The following TFAP2D variants were observed in gnomAD, a reference collection of about 807,000 sequenced individuals.
TFAP2D encodes the protein transcription factor AP-2 delta, also known as transcription factor AP-2-delta.
TFAP2D carries 9 observed loss-of-function variants against 43.6 expected under a neutral mutation model. The ratio of observed to expected loss-of-function variants is 0.21; its 90% CI spans 0.12 to 0.36. The LOEUF is 0.36. Among genes scored for constraint, TFAP2D ranks in the 10% least tolerant of loss-of-function variants. The probability of loss-of-function intolerance (pLI) is 1.00; values close to 1 mark genes in which losing one functional copy is unlikely to be tolerated. For synonymous variants in TFAP2D, 256 were observed against 224.9 expected, an observed-to-expected ratio of 1.14 and a Z score of -1.24; for missense variants, 513 against 561.4, an observed-to-expected ratio of 0.91 and a Z score of 0.87.
At chr6:50,752,907 A>G (rs536733931) in intron 7 of TFAP2D, among the ~76,000 whole-genome samples, 2 of 151,892 alleles carry the variant, frequency 1.3e-5, no homozygotes, top group East Asian at 3.9e-4. Flanking sequence ...CCAAACCTTT[A>G]TTTCCTCAGC....
intron 7 of TFAP2D, among the ~76,000 whole-genome samples, chr6:50,758,091 G>T (rs1227698515): frequency 6.6e-6 from 1 of 151,528 alleles, no homozygotes; most frequent in African/African-American, 2.4e-5. Context: ...GAAGTAAAAT[G>T]ATCAATGTGC....
At chr6:50,718,806 C>T (rs1347304475) in intron 2 of TFAP2D, among the ~76,000 whole-genome samples, 4 of 152,206 alleles carry the variant, frequency 2.6e-5, no homozygotes, top group Non-Finnish European at 4.4e-5. Context: ...AAGGGCTTCT[C>T]ATTCTCTTAT....
At chr6:50,740,053 G>A (rs544958968) in intron 5 of TFAP2D, among the ~76,000 whole-genome samples, 4 of 152,240 alleles carry the variant, frequency 2.6e-5, no homozygotes, top group East Asian at 3.9e-4. Context: ...CAGCTCCAGG[G>A]TTTGCTAAAG....
chr6:50,765,868 G>C (rs1051816490), intron 7 of TFAP2D, among the ~76,000 whole-genome samples: 11 of 152,040 alleles, frequency 7.2e-5, no homozygotes, highest in African/African-American at 2.7e-4. Flanking sequence ...TTTTTCATTT[G>C]ACCTAATCCC....
intron 7 of TFAP2D, among the ~76,000 whole-genome samples, chr6:50,768,424 C>A (rs1769476853): frequency 6.6e-6 from 1 of 150,490 alleles, no homozygotes; most frequent in South Asian, 2.1e-4. Context: ...CTCTCAGGTT[C>A]CTGGGCTTAA....
chr6:50,720,598 A>T (rs1306767362), intron 3 of TFAP2D, among the ~76,000 whole-genome samples: 1 of 152,062 alleles, frequency 6.6e-6, no homozygotes, highest in Non-Finnish European at 1.5e-5. Context: ...CTTGCCAGCC[A>T]CGCTGGTACT....
intron 7 of TFAP2D, among the ~76,000 whole-genome samples, chr6:50,768,445 C>A (rs574002357): frequency 6.6e-6 from 1 of 151,628 alleles, no homozygotes; most frequent in Admixed American, 6.6e-5. Flanking sequence ...GTGATCCTGC[C>A]ACATTGGCAT....
At chr6:50,732,510 C>CCT (rs1222229287) in intron 5 of TFAP2D, among the ~76,000 whole-genome samples, 11 of 152,126 alleles carry the variant, frequency 7.2e-5, no homozygotes, top group African/African-American at 2.6e-4. Context: ...TGATTGTATT[C>CCT]CTCACAGAGC....
At chr6:50,715,756 C>CAT in intron 2 of TFAP2D, 143 bp downstream of exon 2, 3 of 720,002 alleles carry the variant, frequency 4.2e-6, no homozygotes, top group Non-Finnish European at 4.5e-6. Context: ...CTCTCACACA[C>CAT]ACACACACAC....
At chr6:50,730,395 A>G (rs1228193401) in intron 5 of TFAP2D, among the ~76,000 whole-genome samples, 1 of 152,092 alleles carries the variant, frequency 6.6e-6, no homozygotes, top group Non-Finnish European at 1.5e-5. Flanking sequence ...TTACTGTGTT[A>G]CTATTACCAT....
chr6:50,729,910 C>T (rs1018819985), intron 5 of TFAP2D, among the ~76,000 whole-genome samples: 1 of 152,078 alleles, frequency 6.6e-6, no homozygotes, highest in Non-Finnish European at 1.5e-5. Flanking sequence ...GTTTTATTTC[C>T]AACTTACCTC....
At chr6:50,741,405 C>A (rs1247185742) in intron 5 of TFAP2D, among the ~76,000 whole-genome samples, 2 of 151,886 alleles carry the variant, frequency 1.3e-5, no homozygotes, top group Admixed American at 1.3e-4. Context: ...AGGCTAGTAC[C>A]CATTGGTTAT....
Position 50,770,602 on chromosome 6 carries a change from G to A in TFAP2D, c.1140-2043G>A, listed in dbSNP as rs544276311. The stretch of plus-strand genomic sequence containing the variant: ...TGCATCCTTCTGAGCCCTTTGCGTA[G>A]ACTAATAAAAACAACAACCCCACAT... On this transcript the variant is annotated intron_variant, in intron 7 of 7. Transcript: ENST00000008391. Among the ~76,000 whole-genome samples, 8 of 152,110 alleles carry A rather than the reference G, an allele frequency of 5.3e-5. No homozygotes were observed. The South Asian group carries it at 1.2e-3, about 24-fold the overall frequency.
intron 7 of TFAP2D, among the ~76,000 whole-genome samples, chr6:50,767,881 C>A (rs1381291784): frequency 3.9e-5 from 6 of 152,178 alleles, no homozygotes; most frequent in Non-Finnish European, 1.5e-5. Flanking sequence ...AGTCACTGTT[C>A]TTTTACAAAT....
intron 1 of TFAP2D, 145 bp from the exon 2 acceptor site, chr6:50,714,971 C>A: frequency 6.4e-6 from 7 of 1,091,862 alleles, no homozygotes; most frequent in Non-Finnish European, 9.0e-6. Context: ...ACGCTGAGAC[C>A]CGGCTTCGGC....
intron 2 of TFAP2D, among the ~76,000 whole-genome samples, chr6:50,717,512 A>AGCCTATC (rs1198418415): frequency 7.2e-5 from 11 of 152,222 alleles, no homozygotes; most frequent in Admixed American, 5.9e-4. Flanking sequence ...GCTTTTCTTC[A>AGCCTATC]GCCTATCTCT....
chr6:50,719,802 T>C (rs1768689942), intron 3 of TFAP2D, among the ~76,000 whole-genome samples: 1 of 152,152 alleles, frequency 6.6e-6, no homozygotes, highest in African/African-American at 2.4e-5. Flanking sequence ...TTCCCATCTG[T>C]TGAGGGAAAC....
At chr6:50,755,774 T>C (rs541662963) in intron 7 of TFAP2D, among the ~76,000 whole-genome samples, 1 of 152,110 alleles carries the variant, frequency 6.6e-6, no homozygotes, top group East Asian at 1.9e-4. Context: ...ATAAAGAGAC[T>C]CCATCTCTAC....
chr6:50,744,984 G>C, intron 5 of TFAP2D, 123 bp from the exon 6 acceptor site: 1 of 1,265,852 alleles, frequency 7.9e-7, no homozygotes, highest in African/African-American at 1.5e-5. Context: ...TTCTTGAATA[G>C]TTTAAGTAGG....
Sources: gnomAD v4.1 joint callset for allele counts (sites outside exome capture counted in the v4.1 genomes callset) on GRCh38, gnomAD v4.1.1 for gene constraint, MANE v1.5 for transcripts, NCBI Gene and HGNC (gene_info 2026-07-23, HGNC 2026-07-21) for gene names.